The following KCND2 variants were observed in gnomAD, a reference collection of about 807,000 sequenced individuals.
KCND2 encodes the protein potassium voltage-gated channel subfamily D member 2.
Under a neutral mutation model 54.4 loss-of-function variants are expected in KCND2, and 16 were observed. The observed-to-expected ratio is 0.29, with a 90% confidence interval of 0.20 to 0.45. The LOEUF is 0.45. Among genes scored for constraint, KCND2 ranks in the 20% least tolerant of loss-of-function variants. The pLI, the probability that KCND2 is intolerant of heterozygous loss-of-function variation, is 1.00. For synonymous variants in KCND2, 317 were observed against 310.7 expected, an observed-to-expected ratio of 1.02 and a Z score of -0.21; for missense variants, 486 against 824.2, an observed-to-expected ratio of 0.59 and a Z score of 5.02.
chr7:120,712,108 C>T (rs919511302), intron 1 of KCND2, among the ~76,000 whole-genome samples: 1 of 145,794 alleles, frequency 6.9e-6, no homozygotes, highest in Non-Finnish European at 1.5e-5. Context: ...ATATGAACCA[C>T]AAAAGCACTG....
intron 1 of KCND2, among the ~76,000 whole-genome samples, chr7:120,522,869 A>T (rs1302581406): frequency 6.6e-6 from 1 of 152,184 alleles, no homozygotes; most frequent in East Asian, 1.9e-4. Flanking sequence ...TTATGGAAAT[A>T]CTAAATAATA....
chr7:120,731,218 A>G (rs1792802634), intron 1 of KCND2, among the ~76,000 whole-genome samples: 1 of 152,206 alleles, frequency 6.6e-6, no homozygotes, highest in Admixed American at 6.6e-5. Context: ...TGCTTTAGCA[A>G]TTTTACATTC....
rs1253738261 is a variant in KCND2, at chr7:120,737,663, T to C, written c.1279-3871T>C. Among the ~76,000 whole-genome samples the C allele has an allele frequency of 3.9e-5, 6 of 152,210 alleles. No homozygotes were observed. In the East Asian group the frequency reaches 1.2e-3, roughly 29 times the overall value. On this transcript the variant is annotated intron_variant, in intron 2 of 5. Coordinates refer to ENST00000331113, the MANE Select transcript of KCND2 (RefSeq NM_012281.3). ...TTCTTAGCAAGTGAAAAGATTCCAA[T>C]AAATGCCTTAAACTTCTAAAAGGTG...
chr7:120,477,312 C>T (rs1802547036), intron 1 of KCND2, among the ~76,000 whole-genome samples: 1 of 152,102 alleles, frequency 6.6e-6, no homozygotes, highest in Admixed American at 6.6e-5. Context: ...TCAAATGTAG[C>T]TTCCTCAGTC....
At chr7:120,463,183 A>G (rs1802308473) in intron 1 of KCND2, among the ~76,000 whole-genome samples, 2 of 152,036 alleles carry the variant, frequency 1.3e-5, no homozygotes, top group African/African-American at 4.8e-5. Context: ...ACCATGACTT[A>G]ATTTTAAACC....
At chr7:120,709,821 C>CATGG (rs1464961486) in intron 1 of KCND2, among the ~76,000 whole-genome samples, 2 of 152,106 alleles carry the variant, frequency 1.3e-5, no homozygotes, top group South Asian at 4.1e-4. Flanking sequence ...TCTTACATAC[C>CATGG]ATGGGTTCTC....
Position 120,273,366 on chromosome 7 carries a change from G to GCCGGCC in KCND2, c.-1252_-1247dup, listed in dbSNP as rs905808908. On this transcript the variant is annotated 5_prime_UTR_variant, in exon 1 of 6. Coordinates refer to ENST00000331113, the MANE Select transcript of KCND2 (RefSeq NM_012281.3). ...CCTCCGCGCTCGGACGAGAGCCCGT[G>GCCGGCC]CCGGCCCCGGCCCCGGCCCCACCGC... Among the ~76,000 whole-genome samples, 95 of 148,484 alleles carry GCCGGCC rather than the reference G, an allele frequency of 6.4e-4. No homozygotes were observed. The highest frequency in any genetic ancestry group is 3.9e-4 in the African/African-American group (16 of 41,122).
intron 1 of KCND2, among the ~76,000 whole-genome samples, chr7:120,639,483 G>C (rs1406305830): frequency 6.6e-6 from 1 of 152,130 alleles, no homozygotes; most frequent in Non-Finnish European, 1.5e-5. Flanking sequence ...CTAGCAGAGA[G>C]CAGTGCAACT....
intron 1 of KCND2, among the ~76,000 whole-genome samples, chr7:120,360,874 G>T (rs567681201): frequency 1.3e-5 from 2 of 152,136 alleles, no homozygotes; most frequent in Admixed American, 1.3e-4. Flanking sequence ...TCAGAGACTT[G>T]ATATCATTTT....
intron 1 of KCND2, among the ~76,000 whole-genome samples, chr7:120,575,670 A>G (rs931880643): frequency 2.0e-5 from 3 of 152,218 alleles, no homozygotes; most frequent in African/African-American, 7.2e-5. Flanking sequence ...ACACCTGGCT[A>G]TATGATGCTC....
intron 1 of KCND2, among the ~76,000 whole-genome samples, chr7:120,571,635 C>T (rs1329024803): frequency 6.6e-6 from 1 of 152,212 alleles, no homozygotes; most frequent in Non-Finnish European, 1.5e-5. Flanking sequence ...TAGGGCCCCT[C>T]TGCATGTTTA....
chr7:120,502,771 A>G (rs940999866), intron 1 of KCND2, among the ~76,000 whole-genome samples: 2 of 151,974 alleles, frequency 1.3e-5, no homozygotes, highest in African/African-American at 4.8e-5. Context: ...TTTTATTTGT[A>G]TCTACCAACT....
At chr7:120,542,628 A>G (rs982937805) in intron 1 of KCND2, among the ~76,000 whole-genome samples, 1 of 152,044 alleles carries the variant, frequency 6.6e-6, no homozygotes, top group African/African-American at 2.4e-5. Context: ...TTATTATGAG[A>G]TTTGTCCTCT....
intron 1 of KCND2, among the ~76,000 whole-genome samples, chr7:120,407,561 C>G (rs1482737705): frequency 6.6e-6 from 1 of 151,884 alleles, no homozygotes; most frequent in Non-Finnish European, 1.5e-5. Context: ...CCTTTCTGTG[C>G]CTCAGTTTTT....
chr7:120,429,915 A>G (rs1801766118), intron 1 of KCND2, among the ~76,000 whole-genome samples: 1 of 152,186 alleles, frequency 6.6e-6, no homozygotes, highest in Non-Finnish European at 1.5e-5. Context: ...TGGAAGATGC[A>G]CATAACATAG....
chr7:120,694,142 C>T (rs1792305756), intron 1 of KCND2, among the ~76,000 whole-genome samples: 2 of 152,188 alleles, frequency 1.3e-5, no homozygotes, highest in Admixed American at 6.5e-5. Context: ...ATGTTGATGC[C>T]TCCTTTCCTA....
chr7:120,622,647 T>G (rs1214337248), intron 1 of KCND2, among the ~76,000 whole-genome samples: 1 of 150,202 alleles, frequency 6.7e-6, no homozygotes, highest in Non-Finnish European at 1.5e-5. Context: ...GGCTTTAAAG[T>G]AACACTTCCT....
intron 1 of KCND2, among the ~76,000 whole-genome samples, chr7:120,621,804 A>G (rs542429086): frequency 6.6e-6 from 1 of 152,236 alleles, no homozygotes; most frequent in East Asian, 1.9e-4. Context: ...TAAAGGAGCA[A>G]ATTTCAGTCT....
At chr7:120,515,385 A>G (rs1408882012) in intron 1 of KCND2, among the ~76,000 whole-genome samples, 2 of 152,150 alleles carry the variant, frequency 1.3e-5, no homozygotes, top group African/African-American at 4.8e-5. Flanking sequence ...CACCAGTTGT[A>G]TTACAAGAGA....
Sources: allele counts gnomAD v4.1 joint callset (sites outside exome capture counted in the v4.1 genomes callset), GRCh38; gene constraint gnomAD v4.1.1; transcripts MANE v1.5; gene names NCBI Gene and HGNC (gene_info 2026-07-23, HGNC 2026-07-21).